The following BACE2 variants were observed in gnomAD, a reference collection of about 807,000 sequenced individuals.
The protein encoded by BACE2 is beta-secretase 2.
Under a neutral mutation model 46.2 loss-of-function variants are expected in BACE2, and 17 were observed. That is an observed-to-expected ratio of 0.37 (90% CI 0.25 to 0.55). The LOEUF (loss-of-function observed/expected upper bound fraction) is 0.55, where lower values mean the gene tolerates loss of function less well. Ranked by LOEUF, BACE2 falls within the 20% of genes least tolerant of loss-of-function variation. The pLI is 0.82. For synonymous variants in BACE2, 277 were observed against 295.9 expected (o/e 0.94, Z 0.66); for missense variants, 595 against 698.1 (o/e 0.85, Z 1.66).
chr21:41,196,172 C>G (rs189910835), intron 1 of BACE2, among the ~76,000 whole-genome samples: 119 of 152,154 alleles, frequency 7.8e-4, no homozygotes, highest in African/African-American at 2.8e-3. Flanking sequence ...GTGGTCCATG[C>G]CTGTAGTCCC....
intron 8 of BACE2, among the ~76,000 whole-genome samples, chr21:41,257,968 A>G (rs4818225): frequency 0.68 from 103,963 of 152,072 alleles, 35,926 homozygotes; most frequent in East Asian, 0.92. Flanking sequence ...TGCTCACACC[A>G]CACACGGCTT....
intron 1 of BACE2, among the ~76,000 whole-genome samples, chr21:41,210,838 A>G (rs527913572): frequency 1.5e-4 from 23 of 152,334 alleles, no homozygotes; most frequent in African/African-American, 5.3e-4. Context: ...TGGATGTTCA[A>G]TATGCGTGCA....
intron 1 of BACE2, among the ~76,000 whole-genome samples, chr21:41,170,345 G>A (rs148958179): frequency 0.012 from 1,839 of 152,094 alleles, 7 homozygotes; most frequent in Non-Finnish European, 0.02. Flanking sequence ...TGTCTTTACC[G>A]TAGCCAAGGC....
chr21:41,245,433 G>T lies in BACE2; in HGVS notation c.883-529G>T, dbSNP rs558476153. 7.2e-5 allele frequency among the ~76,000 whole-genome samples: 11 copies of T among 152,350 alleles called. No homozygotes were observed. The South Asian group carries it at 2.3e-3, about 32-fold the overall frequency. Reference sequence around the variant, plus strand: ...AACATTGCAGGTGAGGACAGGGCTGGCAGCGCCTGTGTGTGTCTCAGTCTA... The same window carrying T: ...AACATTGCAGGTGAGGACAGGGCTGTCAGCGCCTGTGTGTGTCTCAGTCTA... On this transcript the variant is annotated intron_variant, in intron 5 of 8. Coordinates refer to ENST00000330333, the MANE Select transcript of BACE2 (RefSeq NM_012105.5).
In BACE2 at chr21:41,258,762, A is replaced by G. The variant is rs77556789; in HGVS notation, c.1303+1436A>G. On this transcript the variant is annotated intron_variant, in intron 8 of 8. Transcript: ENST00000330333. Reference sequence around the variant, plus strand: ...ATATGACACATCATGACATGTCTTCATAAATATCTGTGCCGACGTATTTCG... The same window carrying G: ...ATATGACACATCATGACATGTCTTCGTAAATATCTGTGCCGACGTATTTCG... Among the ~76,000 whole-genome samples, 236 of 152,392 alleles carry G rather than the reference A, an allele frequency of 1.5e-3. 1 individual carries two copies. The highest frequency in any genetic ancestry group is 5.1e-3 in the African/African-American group (211 of 41,598).
At chr21:41,206,150 C>T (rs1287019795) in intron 1 of BACE2, among the ~76,000 whole-genome samples, 5 of 152,216 alleles carry the variant, frequency 3.3e-5, no homozygotes, top group Admixed American at 2.6e-4. Flanking sequence ...ATGTATTTCT[C>T]TTAGTTCTGG....
In BACE2 at chr21:41,275,007, C is replaced by T. The variant is rs73224104; in HGVS notation, c.1304-364C>T. Among the ~76,000 whole-genome samples the T allele has an allele frequency of 8.8e-3, 1,337 of 152,318 alleles. 8 individuals carry two copies. The highest frequency in any genetic ancestry group is 0.014 in the Admixed American group (217 of 15,308). On this transcript the variant is annotated intron_variant, in intron 8 of 8. Transcript: ENST00000330333. ...TCTTTTTTCATCTCCACTGAGGAAG[C>T]ACAACCCACACAGCTGTCATGACCA...
At chr21:41,213,292 A>G (rs866048468) in intron 1 of BACE2, among the ~76,000 whole-genome samples, 1 of 152,190 alleles carries the variant, frequency 6.6e-6, no homozygotes, top group Non-Finnish European at 1.5e-5. Flanking sequence ...GTCAGAGAGG[A>G]GTAAATCAGA....
chr21:41,239,534 C>T (rs1390078019), intron 3 of BACE2, among the ~76,000 whole-genome samples: 2 of 152,178 alleles, frequency 1.3e-5, no homozygotes, highest in East Asian at 1.9e-4. Flanking sequence ...CATGCCACAA[C>T]GCCTGGCTAA....
intron 8 of BACE2, among the ~76,000 whole-genome samples, chr21:41,264,675 G>A (rs1466903049): frequency 6.6e-6 from 1 of 151,966 alleles, no homozygotes; most frequent in Admixed American, 6.6e-5. Flanking sequence ...ACTGGGGGGT[G>A]GTAGTAAACC....
intron 1 of BACE2, among the ~76,000 whole-genome samples, chr21:41,213,064 G>GA (rs1447159091): frequency 6.6e-6 from 1 of 152,162 alleles, no homozygotes; most frequent in Non-Finnish European, 1.5e-5. Flanking sequence ...CCCAGGTGGG[G>GA]GCTCATGGAC....
At position 41,249,753 on chromosome 21, in the gene BACE2, G is replaced by A. The variant is rs533377098; in HGVS notation, c.985-999G>A. The stretch of plus-strand genomic sequence containing the variant: ...CTGCCCCACGCGGGACCCTGCCCTG[G>A]ATGTGCTACAATAGACACATCAGAT... On this transcript the variant is annotated intron_variant, in intron 6 of 8. Coordinates refer to ENST00000330333, the MANE Select transcript of BACE2 (RefSeq NM_012105.5). Among the ~76,000 whole-genome samples the A allele has an allele frequency of 9.9e-5, 15 of 152,268 alleles. 2 individuals are homozygous for A. The South Asian group carries it at 3.1e-3, about 32-fold the overall frequency.
Position 41,234,590 on chromosome 21 carries a change from C to A in BACE2, c.402-2923C>A, listed in dbSNP as rs534387321. ...TGGAAAGAAATTGCCAACCTCTGTT[C>A]TAGATCCTATTCTCCAAGCATTTCA... On this transcript the variant is annotated intron_variant, in intron 2 of 8. Coordinates refer to ENST00000330333, the MANE Select transcript of BACE2 (RefSeq NM_012105.5). Among the ~76,000 whole-genome samples, 12 of 152,344 alleles carry A rather than the reference C, an allele frequency of 7.9e-5. No homozygotes were observed. In the South Asian group the frequency reaches 2.5e-3, roughly 32 times the overall value.
At chr21:41,211,044 A>G (rs1422089165) in intron 1 of BACE2, among the ~76,000 whole-genome samples, 2 of 151,798 alleles carry the variant, frequency 1.3e-5, no homozygotes, top group Non-Finnish European at 2.9e-5. Context: ...TATTCTTTTC[A>G]CCTTCCCAAA....
chr21:41,242,084 A>G lies in BACE2; in HGVS notation c.747+137A>G, dbSNP rs1987310623. 3.4e-6 allele frequency: 4 copies of G among 1,167,236 alleles called. 1 individual carries two copies. The South Asian group carries it at 6.1e-5, about 18-fold the overall frequency. The allele number at this position is 1,167,236 out of a possible 1,614,324, so 72.3% of individuals were successfully genotyped here. A position where few individuals can be genotyped will look rare whatever the true frequency, so the allele number is the denominator to read the frequency against. On this transcript the variant is annotated intron_variant, in intron 4 of 8. Transcript: ENST00000330333. ...ACTGTAAAACTTTCATCCTCCTTGT[A>G]GTAGATCTTTTTAGAAATGGCTAAA... is the stretch of plus-strand genomic sequence containing the variant.
chr21:41,238,615 A>G (rs1029483526), intron 3 of BACE2, among the ~76,000 whole-genome samples: 1 of 152,052 alleles, frequency 6.6e-6, no homozygotes, highest in African/African-American at 2.4e-5. Context: ...ATGGAATACT[A>G]TGCAGCCATA....
intron 7 of BACE2, among the ~76,000 whole-genome samples, chr21:41,254,513 G>A (rs763816862): frequency 1.2e-4 from 18 of 152,158 alleles, no homozygotes; most frequent in Non-Finnish European, 1.8e-4. Context: ...AGGAAGGTTC[G>A]TTTTCTTACT....
At chr21:41,197,925 AC>A (rs1355241902) in intron 1 of BACE2, among the ~76,000 whole-genome samples, 1 of 152,212 alleles carries the variant, frequency 6.6e-6, no homozygotes, top group East Asian at 1.9e-4. Flanking sequence ...TATGTGATGT[AC>A]AAAGGGAGGA....
chr21:41,216,363 C>T (rs1202644133), intron 1 of BACE2, among the ~76,000 whole-genome samples: 1 of 152,202 alleles, frequency 6.6e-6, no homozygotes, highest in Non-Finnish European at 1.5e-5. Flanking sequence ...CCAGGAACGA[C>T]CATCGTGGTG....
Sources: allele counts gnomAD v4.1 joint callset (sites outside exome capture counted in the v4.1 genomes callset), GRCh38; gene constraint gnomAD v4.1.1; transcripts MANE v1.5; gene names NCBI Gene and HGNC (gene_info 2026-07-23, HGNC 2026-07-21).